Variants in TAX1BP1 observed in about 807,000 individuals in gnomAD.
The protein encoded by TAX1BP1 is Tax1 binding protein 1.
TAX1BP1 carries 62 observed loss-of-function variants against 97.7 expected under a neutral mutation model. That is an observed-to-expected ratio of 0.63 (90% CI 0.52 to 0.78). TAX1BP1 has a LOEUF of 0.78. Among genes scored for constraint, TAX1BP1 ranks in the 30% least tolerant of loss-of-function variants. The pLI is 0.00. For missense variants in TAX1BP1, 867 were observed against 916.1 expected, an observed-to-expected ratio of 0.95 and a Z score of 0.69; for synonymous variants, 340 against 304.2, an observed-to-expected ratio of 1.12 and a Z score of -1.23.
At chr7:27,824,887 C>A (rs974292620) in intron 15 of TAX1BP1, among the ~76,000 whole-genome samples, 3 of 151,002 alleles carry the variant, frequency 2.0e-5, no homozygotes, top group Non-Finnish European at 4.4e-5. Flanking sequence ...GTACGGTATT[C>A]TCAATAAAAT....
At chr7:27,814,523 G>T (rs2128324384) in intron 13 of TAX1BP1, among the ~76,000 whole-genome samples, 1 of 152,080 alleles carries the variant, frequency 6.6e-6, no homozygotes, top group African/African-American at 2.4e-5. Flanking sequence ...GTCTCCCTTT[G>T]TTTATGCTCT....
intron 12 of TAX1BP1, among the ~76,000 whole-genome samples, chr7:27,798,552 T>C (rs1026557982): frequency 1.7e-4 from 26 of 150,742 alleles, no homozygotes; most frequent in African/African-American, 5.4e-4. Flanking sequence ...TAATCCCAGC[T>C]ACATGGGAGG....
intron 4 of TAX1BP1, among the ~76,000 whole-genome samples, chr7:27,767,972 C>T (rs58546705): frequency 0.023 from 3,537 of 151,860 alleles, 70 homozygotes; most frequent in East Asian, 0.082. Context: ...ATCTGGGGTC[C>T]TGTTGACATT....
At chr7:27,777,589 C>A (rs932656822) in intron 5 of TAX1BP1, among the ~76,000 whole-genome samples, 1 of 152,134 alleles carries the variant, frequency 6.6e-6, no homozygotes, top group South Asian at 2.1e-4. Context: ...ATGCTGATCA[C>A]TAATCAGCTC....
At chr7:27,823,066 T>G (rs1815432739) in intron 15 of TAX1BP1, among the ~76,000 whole-genome samples, 1 of 152,184 alleles carries the variant, frequency 6.6e-6, no homozygotes, top group South Asian at 2.1e-4. Context: ...ATTTGCAAAA[T>G]TATTTTCTTT....
chr7:27,769,624 A>G (rs1198865275), intron 4 of TAX1BP1, 52 bp from the exon 5 acceptor site: 3 of 1,422,506 alleles, frequency 2.1e-6, no homozygotes, highest in South Asian at 1.3e-5. Flanking sequence ...TTGTAATAAC[A>G]TATTTTAGGA....
intron 8 of TAX1BP1, among the ~76,000 whole-genome samples, chr7:27,790,284 A>G (rs1789655855): frequency 1.3e-5 from 2 of 151,892 alleles, no homozygotes; most frequent in East Asian, 1.9e-4. Context: ...ACTGTGTAGT[A>G]TATGTTTTTT....
intron 10 of TAX1BP1, among the ~76,000 whole-genome samples, chr7:27,793,845 A>G (rs917026681): frequency 1.2e-4 from 18 of 152,218 alleles, no homozygotes; most frequent in African/African-American, 4.3e-4. Context: ...TTAAAACCTG[A>G]AATTGAAAGT....
intron 8 of TAX1BP1, among the ~76,000 whole-genome samples, chr7:27,789,581 A>T (rs1053450021): frequency 1.3e-5 from 2 of 151,806 alleles, no homozygotes; most frequent in African/African-American, 2.4e-5. Context: ...ACCATTTTGC[A>T]CCTTTTTCTC....
Position 27,767,907 on chromosome 7 carries a change from A to G in TAX1BP1, c.454-1769A>G, listed in dbSNP as rs1309500201. ...TTTGGTGAGTCTTTAAAATTCTCACATTCATTAAAATCTTTATCTAAAACT... is the reference window on the plus strand; with the variant it reads ...TTTGGTGAGTCTTTAAAATTCTCACGTTCATTAAAATCTTTATCTAAAACT... On this transcript the variant is annotated intron_variant, in intron 4 of 16. Coordinates refer to ENST00000396319, the MANE Select transcript of TAX1BP1 (RefSeq NM_006024.7). Among the ~76,000 whole-genome samples the G allele has an allele frequency of 2.0e-5, 3 of 152,166 alleles. No individual in the cohort carries two copies. In the East Asian group the frequency reaches 5.8e-4, roughly 29 times the overall value.
At chr7:27,747,561 G>A (rs1160921762) in intron 1 of TAX1BP1, among the ~76,000 whole-genome samples, 1 of 152,168 alleles carries the variant, frequency 6.6e-6, no homozygotes, top group Non-Finnish European at 1.5e-5. Context: ...TGAAATGATA[G>A]GTTTGTTATA....
At chr7:27,746,106 G>T (rs1296037278) in intron 1 of TAX1BP1, among the ~76,000 whole-genome samples, 4 of 152,014 alleles carry the variant, frequency 2.6e-5, no homozygotes, top group Admixed American at 1.3e-4. Flanking sequence ...AGCTTTGTTG[G>T]TTTAATTTAT....
At position 27,828,825 on chromosome 7, in the gene TAX1BP1, A is replaced by G; in HGVS notation, c.2366A>G (p.Asp789Gly). Residue 789 changes from aspartate (D) to glycine (G), a missense_variant, in exon 17 of 17, where the codon GAC (aspartate) becomes GGC (glycine). Physicochemically the swap from Asp to Gly is moderately conservative, Grantham distance 94. Around this residue, in one of 3 missense-constraint regions of TAX1BP1, gnomAD observed 34 missense variants for 33.2 expected, o/e 1.02. Transcript: ENST00000396319. ...TTTGATCAGAATGTTCTAAATTTTG[A>G]CTAGTTACTTTTTATTATGAGTTAA... ...THFDQNVLNF[D>G] The G allele has an allele frequency of 6.3e-7, 1 of 1,595,528 alleles. No individual in the cohort carries two copies. The highest frequency in any genetic ancestry group is 1.1e-5 in the South Asian group (1 of 89,888).
intron 8 of TAX1BP1, among the ~76,000 whole-genome samples, chr7:27,790,093 G>C (rs182907069): frequency 1.3e-5 from 2 of 151,994 alleles, no homozygotes; most frequent in Admixed American, 1.3e-4. Flanking sequence ...TCCCTTCTCA[G>C]ATAAGTAAGT....
At chr7:27,821,226 A>G (rs1207625681) in intron 15 of TAX1BP1, among the ~76,000 whole-genome samples, 2 of 152,236 alleles carry the variant, frequency 1.3e-5, no homozygotes, top group Non-Finnish European at 2.9e-5. Flanking sequence ...CCATATTAGT[A>G]TAATACCTTT....
chr7:27,766,149 A>C, intron 4 of TAX1BP1, 128 bp downstream of exon 4: 1 of 935,288 alleles, frequency 1.1e-6, no homozygotes. Flanking sequence ...GGCTGGGCGC[A>C]GTGGCTCACG....
At chr7:27,769,578 G>A (rs1396136945) in intron 4 of TAX1BP1, 98 bp from the exon 5 acceptor site, 1 of 988,874 alleles carries the variant, frequency 1.0e-6, no homozygotes, top group African/African-American at 1.7e-5. Context: ...TTCTGTGAAT[G>A]TCTTCATTAT....
At chr7:27,821,405 C>T (rs1380140201) in intron 15 of TAX1BP1, among the ~76,000 whole-genome samples, 1 of 151,866 alleles carries the variant, frequency 6.6e-6, no homozygotes, top group African/African-American at 2.4e-5. Flanking sequence ...TCTAGGCAGG[C>T]AGATCACTTG....
At chr7:27,784,161 C>T (rs1325925799) in intron 5 of TAX1BP1, among the ~76,000 whole-genome samples, 1 of 152,094 alleles carries the variant, frequency 6.6e-6, no homozygotes, top group Non-Finnish European at 1.5e-5. Flanking sequence ...ATACTTTTAA[C>T]TTGGCAGAAC....
Sources: gnomAD v4.1 joint callset for allele counts (sites outside exome capture counted in the v4.1 genomes callset) on GRCh38, gnomAD v4.1.1 for gene constraint, gnomAD v4.1.1 regional missense constraint, MANE v1.5 for transcripts, NCBI Gene and HGNC (gene_info 2026-07-23, HGNC 2026-07-21) for gene names.